Variants in MAGI2 observed in about 807,000 individuals in gnomAD.
MAGI2 encodes membrane-associated guanylate kinase, WW and PDZ domain-containing protein 2.
In MAGI2, 35 loss-of-function variants were observed where a neutral mutation model predicts 133.3. That is an observed-to-expected ratio of 0.26 (90% CI 0.20 to 0.35). MAGI2 has a LOEUF of 0.35. MAGI2 is among the 10% of genes least tolerant of loss of function. The pLI, the probability that MAGI2 is intolerant of heterozygous loss-of-function variation, is 1.00. For missense variants in MAGI2, 1,636 were observed against 1,863.4 expected (o/e 0.88, Z 2.25); for synonymous variants, 729 against 710.6 (o/e 1.03, Z -0.41).
chr7:78,686,035 C>T (rs1014921128), intron 2 of MAGI2, among the ~76,000 whole-genome samples: 1 of 147,862 alleles, frequency 6.8e-6, no homozygotes, highest in Non-Finnish European at 1.5e-5. Context: ...GTTCTTTTAC[C>T]TATTCACATT....
At chr7:78,308,877 TTCAC>T (rs1798459064) in intron 9 of MAGI2, among the ~76,000 whole-genome samples, 2 of 152,358 alleles carry the variant, frequency 1.3e-5, no homozygotes, top group South Asian at 4.1e-4. Context: ...TATCTGGTAA[TTCAC>T]TCATTCACTC....
At chr7:78,741,643 T>C (rs768921949) in intron 2 of MAGI2, among the ~76,000 whole-genome samples, 1 of 152,128 alleles carries the variant, frequency 6.6e-6, no homozygotes, top group Non-Finnish European at 1.5e-5. Flanking sequence ...CTAGAGTTAG[T>C]GGAATTTGAT....
chr7:78,701,343 T>TTTGGTTTTTTGTGTATTTGTGTG (rs1452741161), intron 2 of MAGI2, among the ~76,000 whole-genome samples: 1 of 151,798 alleles, frequency 6.6e-6, no homozygotes, highest in Admixed American at 6.6e-5. Flanking sequence ...GTTGGGAAAA[T>TTTGGTTTTTTGTGTATTTGTGTG]TTGAGAGATT....
chr7:78,270,940 T>C (rs191074209), intron 9 of MAGI2, among the ~76,000 whole-genome samples: 71 of 152,298 alleles, frequency 4.7e-4, no homozygotes, highest in African/African-American at 1.7e-3. Flanking sequence ...CTTTTCCTAA[T>C]TGAATACCTT....
intron 2 of MAGI2, among the ~76,000 whole-genome samples, chr7:78,909,007 A>G (rs1385866484): frequency 6.6e-6 from 1 of 152,148 alleles, no homozygotes; most frequent in Non-Finnish European, 1.5e-5. Context: ...AAAAGAAACT[A>G]TCATCAGAGT....
chr7:78,879,233 C>T (rs1415851396), intron 2 of MAGI2, among the ~76,000 whole-genome samples: 1 of 152,208 alleles, frequency 6.6e-6, no homozygotes, highest in Non-Finnish European at 1.5e-5. Flanking sequence ...TGGCCCCACC[C>T]ATACTGGTGC....
intron 21 of MAGI2, chr7:78,035,227 TGGGACGGGGC>T (rs1810062238): frequency 6.8e-6 from 1 of 147,096 alleles, no homozygotes; most frequent in Non-Finnish European, 1.5e-5. Context: ...AGGTGAGAGA[TGGGACGGGGC>T]GGGACAAAGC....
At chr7:78,521,841 C>T (rs912366551) in intron 3 of MAGI2, among the ~76,000 whole-genome samples, 196 bp from the exon 4 acceptor site, 6 of 151,880 alleles carry the variant, frequency 4.0e-5, no homozygotes, top group African/African-American at 4.8e-5. Context: ...CCTTCTGTTG[C>T]GTTGGACTTT....
At chr7:79,332,557 C>T (rs182324024) in intron 1 of MAGI2, among the ~76,000 whole-genome samples, 32 of 152,186 alleles carry the variant, frequency 2.1e-4, no homozygotes, top group African/African-American at 6.7e-4. Flanking sequence ...AGAAGAATTA[C>T]GAGATCCTGG....
intron 2 of MAGI2, among the ~76,000 whole-genome samples, chr7:78,943,178 A>T (rs1801127951): frequency 6.6e-6 from 1 of 152,128 alleles, no homozygotes; most frequent in East Asian, 1.9e-4. Flanking sequence ...ACATCTTGCA[A>T]ACAGTAAAGT....
At chr7:78,845,701 T>C (rs1404967891) in intron 2 of MAGI2, among the ~76,000 whole-genome samples, 1 of 151,988 alleles carries the variant, frequency 6.6e-6, no homozygotes, top group Non-Finnish European at 1.5e-5. Context: ...GAAAAATCTT[T>C]GATCAACCTG....
chr7:78,676,421 T>G (rs1815029260), intron 2 of MAGI2, among the ~76,000 whole-genome samples: 1 of 152,164 alleles, frequency 6.6e-6, no homozygotes, highest in Admixed American at 6.6e-5. Context: ...TAAGTGCTTG[T>G]TAATTCTATA....
rs575185299 is a variant in MAGI2 at position 78,382,110 on chromosome 7, T to TA, written c.1046-12898dup. Among the ~76,000 whole-genome samples, 18 of 152,242 alleles carry TA rather than the reference T, an allele frequency of 1.2e-4. No homozygotes were observed. In the East Asian group the frequency reaches 3.3e-3, roughly 28 times the overall value. On this transcript the variant is annotated intron_variant, in intron 6 of 21. Transcript: ENST00000354212. The stretch of plus-strand genomic sequence containing the variant: ...CAGACAGTACAGAACTATACAGCTG[T>TA]AAAATCTGTGAAGAAAGTCTCTATG...
intron 2 of MAGI2, among the ~76,000 whole-genome samples, chr7:78,630,964 T>C (rs565762508): frequency 2.0e-5 from 3 of 152,276 alleles, no homozygotes; most frequent in African/African-American, 7.2e-5. Context: ...ACTTTGCCTC[T>C]GTCTTGTGCA....
chr7:78,257,098 G>A (rs1437102255), intron 9 of MAGI2, among the ~76,000 whole-genome samples: 1 of 151,938 alleles, frequency 6.6e-6, no homozygotes, highest in Admixed American at 6.6e-5. Context: ...ATCTATAGCA[G>A]GTAATTACAA....
intron 1 of MAGI2, among the ~76,000 whole-genome samples, chr7:79,152,174 G>T (rs1485741995): frequency 2.0e-5 from 3 of 152,144 alleles, no homozygotes; most frequent in Non-Finnish European, 2.9e-5. Context: ...GTATCTAAGT[G>T]TAAGTAAAAT....
intron 1 of MAGI2, among the ~76,000 whole-genome samples, chr7:79,378,581 C>T (rs1009933484): frequency 4.6e-5 from 7 of 151,364 alleles, no homozygotes; most frequent in African/African-American, 1.5e-4. Context: ...ACAGGAAAAA[C>T]TATCAAGGAT....
chr7:78,325,790 G>A (rs898292755), intron 9 of MAGI2, among the ~76,000 whole-genome samples: 16 of 152,204 alleles, frequency 1.1e-4, no homozygotes, highest in Admixed American at 3.3e-4. Flanking sequence ...GCCCATTGGT[G>A]CAGTGAATAA....
rs1291915559 is a variant in MAGI2, at chr7:78,132,963, G to A, written c.3129C>T (p.Ser1043=). Residue 1043 remains serine, a synonymous_variant, in exon 18 of 22, where the codon AGC becomes AGT. Coordinates refer to ENST00000354212, the MANE Select transcript of MAGI2 (RefSeq NM_012301.4). Reference sequence around the variant, plus strand: ...CGATGGGGCTGTTGGGGGTGGCTGGGCTTGGCTGGGCCAGGGGACTCTGCT... The same window carrying A: ...CGATGGGGCTGTTGGGGGTGGCTGGACTTGGCTGGGCCAGGGGACTCTGCT... ...LAQQSPLAQP[S]PATPNSPIAQ... 4 of 1,613,622 alleles carry A rather than the reference G, an allele frequency of 2.5e-6. No individual in the cohort carries two copies. In the African/African-American group the frequency reaches 4.0e-5, roughly 16 times the overall value.
Sources: gnomAD v4.1 joint callset for allele counts (sites outside exome capture counted in the v4.1 genomes callset) on GRCh38, gnomAD v4.1.1 for gene constraint, MANE v1.5 for transcripts, NCBI Gene and HGNC (gene_info 2026-07-23, HGNC 2026-07-21) for gene names.